MGAT4C: variants seen among roughly 807,000 people sequenced by gnomAD.
MGAT4C encodes alpha-1,3-mannosyl-glycoprotein 4-beta-N-acetylglucosaminyltransferase C.
MGAT4C carries 19 observed loss-of-function variants against 40.1 expected under a neutral mutation model. The ratio of observed to expected loss-of-function variants is 0.47; its 90% confidence interval spans 0.33 to 0.70. The LOEUF (loss-of-function observed/expected upper bound fraction) is 0.70, where lower values mean the gene tolerates loss of function less well. Ranked by LOEUF, MGAT4C falls within the 30% of genes least tolerant of loss-of-function variation. The pLI is 0.02. For missense variants in MGAT4C, 491 were observed against 563.2 expected, an observed-to-expected ratio of 0.87 and a Z score of 1.30; for synonymous variants, 181 against 187.1, an observed-to-expected ratio of 0.97 and a Z score of 0.27.
chr12:86,741,170 T>A (rs1326654276), intron 1 of MGAT4C, among the ~76,000 whole-genome samples: 1 of 151,078 alleles, frequency 6.6e-6, no homozygotes. Context: ...AATAAATTGT[T>A]TTACCAAAAA....
intron 3 of MGAT4C, among the ~76,000 whole-genome samples, chr12:85,984,991 G>A (rs571110232): frequency 2.0e-5 from 3 of 152,256 alleles, no homozygotes; most frequent in East Asian, 1.9e-4. Context: ...TGTTGGCCAA[G>A]CTCGTCTCAA....
intron 1 of MGAT4C, among the ~76,000 whole-genome samples, chr12:86,231,507 G>T (rs1342624724): frequency 6.6e-6 from 1 of 152,014 alleles, no homozygotes; most frequent in Non-Finnish European, 1.5e-5. Flanking sequence ...TCTAATTCTG[G>T]AAATCAAGTA....
rs1958011051 is a variant in MGAT4C, at chr12:86,485,878, TCTC to T, written c.-228-50616_-228-50614del. 7.2e-5 allele frequency among the ~76,000 whole-genome samples: 11 copies of T among 152,130 alleles called. No homozygotes were observed. In the South Asian group the frequency reaches 2.3e-3, roughly 32 times the overall value. ...AATCACATCAGGATAGCAGTGAAAA[TCTC>T]AGCAGAAACTTTACAAGCCAGAAGA... is the stretch of plus-strand genomic sequence containing the variant. On this transcript the variant is annotated intron_variant, in intron 2 of 7. Coordinates refer to the MGAT4C transcript ENST00000548651.
chr12:86,344,035 T>C (rs75696978), intron 3 of MGAT4C, among the ~76,000 whole-genome samples: 5,810 of 152,214 alleles, frequency 0.038, 315 homozygotes, highest in African/African-American at 0.12. Context: ...CTGTCACTAG[T>C]TCTAAGCTAA....
At chr12:86,045,581 C>A (rs1281626650) in intron 2 of MGAT4C, among the ~76,000 whole-genome samples, 1 of 152,156 alleles carries the variant, frequency 6.6e-6, no homozygotes, top group Non-Finnish European at 1.5e-5. Flanking sequence ...ACAAAACCCC[C>A]AAATTTTTAT....
intron 1 of MGAT4C, among the ~76,000 whole-genome samples, chr12:86,236,165 G>A (rs1390669793): frequency 6.6e-6 from 1 of 151,980 alleles, no homozygotes; most frequent in Non-Finnish European, 1.5e-5. Flanking sequence ...GAAAGTACAA[G>A]AAAATAAGGA....
chr12:86,078,133 T>C (rs936502438), intron 1 of MGAT4C, among the ~76,000 whole-genome samples: 12 of 152,150 alleles, frequency 7.9e-5, no homozygotes, highest in Non-Finnish European at 1.8e-4. Flanking sequence ...CCTGGACCCA[T>C]AAATCATGGC....
chr12:86,186,959 A>G (rs1888828285), intron 1 of MGAT4C, among the ~76,000 whole-genome samples: 1 of 152,156 alleles, frequency 6.6e-6, no homozygotes. Context: ...CTTGGCAGCC[A>G]TGAATAATCT....
chr12:86,688,335 G>C (rs1045880605), intron 2 of MGAT4C, among the ~76,000 whole-genome samples: 27 of 151,994 alleles, frequency 1.8e-4, no homozygotes, highest in Non-Finnish European at 2.9e-4. Context: ...GGGGCATTTA[G>C]CTCATTTACA....
intron 2 of MGAT4C, among the ~76,000 whole-genome samples, chr12:86,611,456 T>TAGATAGATA (rs1555210960): frequency 2.8e-4 from 40 of 143,548 alleles, no homozygotes; most frequent in South Asian, 9.2e-4. Flanking sequence ...GATAGATAGA[T>TAGATAGATA]GATAGATAGA....
At chr12:86,814,194 A>G (rs1952538130) in intron 1 of MGAT4C, among the ~76,000 whole-genome samples, 1 of 151,326 alleles carries the variant, frequency 6.6e-6, no homozygotes, top group African/African-American at 2.4e-5. Context: ...TGGCTTTTGC[A>G]AATTATTTAT....
chr12:86,068,703 C>T (rs565758658), intron 1 of MGAT4C, among the ~76,000 whole-genome samples: 3 of 151,992 alleles, frequency 2.0e-5, no homozygotes, highest in East Asian at 1.9e-4. Context: ...AATCTATAGT[C>T]GAGCTGGCTC....
intron 4 of MGAT4C, 151 bp from the exon 5 acceptor site, chr12:85,980,581 T>A: frequency 1.5e-6 from 1 of 650,012 alleles, no homozygotes; most frequent in Non-Finnish European, 2.5e-6. Context: ...ATGATTAAAG[T>A]AATAAGCTAA....
chr12:86,233,266 A>C (rs1299569313), intron 1 of MGAT4C, among the ~76,000 whole-genome samples: 1 of 152,200 alleles, frequency 6.6e-6, no homozygotes, highest in African/African-American at 2.4e-5. Context: ...CAAAGAGGTA[A>C]ATTCATATGA....
intron 2 of MGAT4C, among the ~76,000 whole-genome samples, chr12:86,525,888 A>T (rs1958871117): frequency 6.6e-6 from 1 of 152,164 alleles, no homozygotes; most frequent in Non-Finnish European, 1.5e-5. Flanking sequence ...CAGCCAAAGG[A>T]TTTCATACTG....
chr12:86,594,341 T>C (rs1424947418), intron 2 of MGAT4C, among the ~76,000 whole-genome samples: 1 of 152,112 alleles, frequency 6.6e-6, no homozygotes, highest in African/African-American at 2.4e-5. Flanking sequence ...TCAATTTTAG[T>C]ATATTTAAAA....
intron 4 of MGAT4C, among the ~76,000 whole-genome samples, chr12:86,323,137 T>C (rs1954436882): frequency 6.6e-6 from 1 of 151,608 alleles, no homozygotes; most frequent in Non-Finnish European, 1.5e-5. Context: ...GAAGTTTTTT[T>C]TTTTTTAATG....
rs1882986752 is a variant in MGAT4C at position 85,959,331 on chromosome 12, A to G, written c.*19958T>C. 6.6e-6 allele frequency: 1 copy of G among 152,068 alleles called. No individual in the cohort carries two copies. The highest frequency in any genetic ancestry group is 6.6e-5 in the Admixed American group (1 of 15,256). The allele number at this position is 152,068 out of a possible 1,614,324, so 9.4% of individuals were successfully genotyped here. ...GTAAATTTATTTGGATATGCTGAAA[A>G]AAGAGGGGGTATAAAATCTAAAGTT... On this transcript the variant is annotated 3_prime_UTR_variant, in exon 5 of 5. Transcript: ENST00000611864.
Position 86,370,727 on chromosome 12 carries a change from T to C in MGAT4C, c.-119-36600A>G, listed in dbSNP as rs1394686542. On this transcript the variant is annotated intron_variant, in intron 3 of 7. Transcript: ENST00000548651. ...AGTAACTTGTTTTCCTATTTGCCTT[T>C]TTTTCTTCCCCTATTTAATCCCCAA... Among the ~76,000 whole-genome samples, 3 of 152,070 alleles carry C rather than the reference T, an allele frequency of 2.0e-5. No individual in the cohort carries two copies. The East Asian group carries it at 5.8e-4, about 29-fold the overall frequency.
Sources: allele counts gnomAD v4.1 joint callset (sites outside exome capture counted in the v4.1 genomes callset), GRCh38; gene constraint gnomAD v4.1.1; transcripts MANE v1.5; gene names NCBI Gene and HGNC (gene_info 2026-07-23, HGNC 2026-07-21).